Variants in NPEPL1 observed in about 807,000 individuals in gnomAD.
NPEPL1 encodes the protein probable aminopeptidase NPEPL1.
Under a neutral mutation model 52.4 loss-of-function variants are expected in NPEPL1, and 45 were observed. That is an observed-to-expected ratio of 0.86 (90% CI 0.68 to 1.10). The LOEUF (loss-of-function observed/expected upper bound fraction) is 1.10, where lower values mean the gene tolerates loss of function less well. Ranked by LOEUF, NPEPL1 falls within the 50% of genes least tolerant of loss-of-function variation. NPEPL1 has a pLI of 0.00. For missense variants in NPEPL1, 696 were observed against 710.9 expected, an observed-to-expected ratio of 0.98 and a Z score of 0.24; for synonymous variants, 360 against 314.7, an observed-to-expected ratio of 1.14 and a Z score of -1.52.
At chr20:58,699,447 G>C (rs1819313436) in intron 5 of NPEPL1, among the ~76,000 whole-genome samples, 169 bp downstream of exon 5, 1 of 152,206 alleles carries the variant, frequency 6.6e-6, no homozygotes, top group South Asian at 2.1e-4. Flanking sequence ...CTGGGAAGCA[G>C]CCGTCCCTGG....
chr20:58,708,406 G>A (rs551085947), intron 7 of NPEPL1, among the ~76,000 whole-genome samples: 3 of 152,092 alleles, frequency 2.0e-5, no homozygotes, highest in African/African-American at 7.3e-5. Flanking sequence ...GGCAGGAGGG[G>A]CTGGCAGGCC....
At chr20:58,699,423 C>T in intron 5 of NPEPL1, 145 bp downstream of exon 5, 1 of 668,148 alleles carries the variant, frequency 1.5e-6, no homozygotes, top group South Asian at 1.9e-5. Flanking sequence ...TGTGTCCAAG[C>T]CCAGTGCCGG....
chr20:58,708,571 G>A (rs1410126939), intron 7 of NPEPL1, among the ~76,000 whole-genome samples: 1 of 152,258 alleles, frequency 6.6e-6, no homozygotes, highest in African/African-American at 2.4e-5. Context: ...CCTGTCGGAA[G>A]AGGCTGGAGG....
Position 58,698,553 on chromosome 20 carries a change from CCT to C in NPEPL1, c.508-126_508-125del. On this transcript the variant is annotated intron_variant, in intron 3 of 11. Coordinates refer to ENST00000356091, the MANE Select transcript of NPEPL1 (RefSeq NM_024663.4). Reference sequence around the variant, plus strand: ...AGCGAGAGCCATGGTCCCCCTCTCCCCTCTCTTTGCTGCCCTGTCAGTAGCCC... The same window carrying C: ...AGCGAGAGCCATGGTCCCCCTCTCCCCTCTTTGCTGCCCTGTCAGTAGCCC... The C allele has an allele frequency of 1.8e-5, 14 of 769,568 alleles. No homozygotes were observed. The South Asian group carries it at 2.1e-4, about 11-fold the overall frequency. The allele number at this position is 769,568 out of a possible 1,614,324, so 47.7% of individuals were successfully genotyped here.
chr20:58,707,991 G>A (rs73302150), intron 7 of NPEPL1, among the ~76,000 whole-genome samples: 1,917 of 152,252 alleles, frequency 0.013, 37 homozygotes, highest in African/African-American at 0.041. Context: ...CTGAGGTGGC[G>A]GAGGATCGAT....
In NPEPL1 at chr20:58,715,300, G is replaced by A. The variant is rs374427176; in HGVS notation, c.1546G>A (p.Asp516Asn). Residue 516 changes from aspartate to asparagine, a missense_variant, in exon 12 of 12, where the codon GAC becomes AAC. Asp to Asn is a conservative substitution (Grantham distance 23). Transcript: ENST00000356091. Reference sequence around the variant, plus strand: ...TGTCGAGGAGGGGGACCTGGGGAGGGACTCCAAGAGACGCAGGCTTGTGTG... The same window carrying A: ...TGTCGAGGAGGGGGACCTGGGGAGGAACTCCAAGAGACGCAGGCTTGTGTG... ...VDVEEGDLGR[D>N]SKRRRLV 7 of 1,609,454 alleles carry A rather than the reference G, an allele frequency of 4.3e-6. No individual in the cohort carries two copies. The African/African-American group carries it at 9.4e-5, about 22-fold the overall frequency.
At chr20:58,712,037 T>A (rs1361629640) in intron 7 of NPEPL1, among the ~76,000 whole-genome samples, 1 of 152,218 alleles carries the variant, frequency 6.6e-6, no homozygotes, top group Non-Finnish European at 1.5e-5. Context: ...ACAAATGACT[T>A]TTGGCATCAG....
chr20:58,691,989 A>C, upstream of NPEPL1: 1 of 628,906 alleles, frequency 1.6e-6, no homozygotes, highest in Non-Finnish European at 2.8e-6. Flanking sequence ...CCTGCCCCAC[A>C]CCCCCGATGG....
upstream of NPEPL1, chr20:58,691,727 G>GTTTT: frequency 1.5e-6 from 1 of 663,072 alleles, no homozygotes. Context: ...TTTTTAGGCT[G>GTTTT]GTTATGAAGA....
chr20:58,714,853 G>A (rs896696717), intron 11 of NPEPL1, 183 bp downstream of exon 11: 1 of 623,066 alleles, frequency 1.6e-6, no homozygotes, highest in South Asian at 2.0e-5. Context: ...GCTGCTGTGT[G>A]CGACCCTTCC....
In NPEPL1 at chr20:58,694,410, T is replaced by C. The variant is rs374071955; in HGVS notation, c.337-12T>C. On this transcript the variant is annotated splice_polypyrimidine_tract_variant and intron_variant, in intron 2 of 11. Transcript: ENST00000356091. The stretch of plus-strand genomic sequence containing the variant: ...CCTTGCACCCCTCACGCCGTCTCCC[T>C]ATGTGCCACAGATGGTCTGCGAGCA... The C allele has an allele frequency of 6.9e-6, 11 of 1,601,704 alleles. No homozygotes were observed. The highest frequency in any genetic ancestry group is 9.4e-6 in the Non-Finnish European group (11 of 1,173,690).
intron 10 of NPEPL1, 172 bp downstream of exon 10, chr20:58,714,265 C>A: frequency 1.5e-6 from 1 of 688,852 alleles, no homozygotes. Flanking sequence ...TCCCAGACAG[C>A]GTGGGCCACT....
intron 6 of NPEPL1, among the ~76,000 whole-genome samples, chr20:58,702,328 T>TAGGC (rs2084646328): frequency 3.3e-5 from 5 of 152,220 alleles, no homozygotes; most frequent in African/African-American, 1.2e-4. Flanking sequence ...TGGTTTGCGG[T>TAGGC]AGGCCCCACC....
intron 6 of NPEPL1, among the ~76,000 whole-genome samples, chr20:58,706,113 A>G (rs1037864905): frequency 5.9e-5 from 9 of 152,208 alleles, no homozygotes; most frequent in Non-Finnish European, 1.0e-4. Context: ...GAACCTGTAA[A>G]ATGTAAAAAT....
At position 58,713,630 on chromosome 20, in the gene NPEPL1, G is replaced by A; in HGVS notation, c.1125+87G>A. On this transcript the variant is annotated intron_variant, in intron 9 of 11. Coordinates refer to ENST00000356091, the MANE Select transcript of NPEPL1 (RefSeq NM_024663.4). The surrounding 1 kb of genome is among the most constrained non-coding windows in gnomAD (Gnocchi z 4.6). Reference sequence around the variant, plus strand: ...CCTCAAGGTGGGGAAGGCAGCGCGTGGGGGCTGCCGTCAGGAAGTTTTCAT... The same window carrying A: ...CCTCAAGGTGGGGAAGGCAGCGCGTAGGGGCTGCCGTCAGGAAGTTTTCAT... 1.4e-6 allele frequency: 2 copies of A among 1,430,816 alleles called. No homozygotes were observed. The highest frequency in any genetic ancestry group is 1.8e-6 in the Non-Finnish European group (2 of 1,083,784). The allele number at this position is 1,430,816 out of a possible 1,614,324, so 88.6% of individuals were successfully genotyped here.
At chr20:58,691,556 A>G (rs1015446873), upstream of NPEPL1, 5 of 646,102 alleles carry the variant, frequency 7.7e-6, no homozygotes, top group Admixed American at 2.9e-5. Context: ...GCCTGTGGAC[A>G]GGGAAGGTGA....
At chr20:58,705,040 C>T (rs894433653) in intron 6 of NPEPL1, among the ~76,000 whole-genome samples, 3 of 152,140 alleles carry the variant, frequency 2.0e-5, no homozygotes, top group Non-Finnish European at 4.4e-5. Flanking sequence ...CTTAATATCA[C>T]CATCCATCTC....
chr20:58,711,379 G>A (rs1020981711), intron 7 of NPEPL1: 15 of 152,422 alleles, frequency 9.8e-5, no homozygotes, highest in Admixed American at 6.5e-4. Flanking sequence ...CAGATGGAAT[G>A]TCAGTGCTGG....
upstream of NPEPL1, among the ~76,000 whole-genome samples, chr20:58,690,061 A>C (rs980602835): frequency 6.6e-6 from 1 of 152,258 alleles, no homozygotes; most frequent in African/African-American, 2.4e-5. Context: ...GTGAAGTCTG[A>C]CATGAAATTA....
Sources: allele counts gnomAD v4.1 joint callset (sites outside exome capture counted in the v4.1 genomes callset), GRCh38; gene constraint gnomAD v4.1.1; non-coding constraint Gnocchi (gnomAD v3.1); transcripts MANE v1.5; gene names NCBI Gene and HGNC (gene_info 2026-07-23, HGNC 2026-07-21).